ELL2: variants seen among roughly 807,000 people sequenced by gnomAD.
The protein encoded by ELL2 is RNA polymerase II elongation factor ELL2.
In ELL2, 21 loss-of-function variants were observed where a neutral mutation model predicts 72.8. That is an observed-to-expected ratio of 0.29 (90% confidence interval 0.20 to 0.42). The LOEUF (loss-of-function observed/expected upper bound fraction) is 0.42. Among genes scored for constraint, ELL2 ranks in the 10% least tolerant of loss-of-function variants. The pLI is 1.00. For missense variants in ELL2, 568 were observed against 772.8 expected (o/e 0.73, Z 3.14); for synonymous variants, 266 against 283.2 (o/e 0.94, Z 0.61).
Position 95,889,139 on chromosome 5 carries a change from T to G in ELL2, c.1762-9A>C. ...ACTTCTTCATGAACATTCTACAAAA[T>G]TAAATATTAGAAATCAGAAGAGAAC... On this transcript the variant is annotated splice_polypyrimidine_tract_variant and intron_variant, in intron 10 of 11. Coordinates refer to ENST00000237853, the MANE Select transcript of ELL2 (RefSeq NM_012081.6). 1 of 1,597,970 alleles carries G rather than the reference T, an allele frequency of 6.3e-7. No individual in the cohort carries two copies. The highest frequency in any genetic ancestry group is 8.6e-7 in the Non-Finnish European group (1 of 1,168,866).
intron 4 of ELL2, among the ~76,000 whole-genome samples, chr5:95,908,496 C>T (rs1472011586): frequency 6.6e-6 from 1 of 152,166 alleles, no homozygotes; most frequent in Non-Finnish European, 1.5e-5. Flanking sequence ...GAGGGCAGGG[C>T]AGTGGCTGCT....
chr5:95,896,921 A>C (rs1049943800), intron 8 of ELL2, among the ~76,000 whole-genome samples: 2 of 152,198 alleles, frequency 1.3e-5, no homozygotes, highest in African/African-American at 4.8e-5. Flanking sequence ...GAGGGTGGAA[A>C]GTGTGGAGAG....
At chr5:95,939,079 TG>T (rs1206558669) in intron 2 of ELL2, among the ~76,000 whole-genome samples, 1 of 152,200 alleles carries the variant, frequency 6.6e-6, no homozygotes, top group Non-Finnish European at 1.5e-5. Context: ...CCTTTGTGTG[TG>T]TGCACATGCA....
rs1359659673 is a variant in ELL2, at chr5:95,909,637, A to G, written c.482-2855T>C. ...GAAAAAAGCCATTTTAATAAAACCT[A>G]TGGGAGAACCTAATTCTCTTCCCAG... is the stretch of plus-strand genomic sequence containing the variant. On this transcript the variant is annotated intron_variant, in intron 4 of 11. Transcript: ENST00000237853. 4.6e-5 allele frequency among the ~76,000 whole-genome samples: 7 copies of G among 152,226 alleles called. 1 individual carries two copies. Among genetic ancestry groups the G allele is most frequent in the Non-Finnish European group, 1.5e-5 (1 of 68,030 alleles).
chr5:95,900,594 G>C lies in ELL2; in HGVS notation c.954+99C>G, dbSNP rs41276261. Reference sequence around the variant, plus strand: ...TGGCTTTGGGCAGGCAAGCTGTCCAGCTTCTCCGGGTCTCATTTCCTTCAC... The same window carrying C: ...TGGCTTTGGGCAGGCAAGCTGTCCACCTTCTCCGGGTCTCATTTCCTTCAC... On this transcript the variant is annotated intron_variant, in intron 7 of 11. Transcript: ENST00000237853. 0.024 allele frequency: 21,576 copies of C among 895,654 alleles called. 699 individuals are homozygous for C. Among genetic ancestry groups the C allele is most frequent in the African/African-American group, 0.095 (5,532 of 58,070 alleles). 55.5% of individuals were successfully genotyped at this position (895,654 alleles called of 1,614,324 possible).
chr5:95,934,883 G>A (rs896630781), intron 2 of ELL2, among the ~76,000 whole-genome samples: 3 of 152,112 alleles, frequency 2.0e-5, no homozygotes, highest in African/African-American at 7.2e-5. Context: ...ATTGAAACAT[G>A]TTCTGGTTTT....
Position 95,898,466 on chromosome 5 carries a change from A to C in ELL2, c.1299T>G (p.Thr433=). The C allele has an allele frequency of 6.2e-7, 1 of 1,613,920 alleles. No individual in the cohort carries two copies. Among genetic ancestry groups the C allele is most frequent in the Non-Finnish European group, 8.5e-7 (1 of 1,179,954 alleles). Residue 433 remains threonine (T), a synonymous_variant, in exon 8 of 12, where the codon ACT becomes ACG. Coordinates refer to ENST00000237853, the MANE Select transcript of ELL2 (RefSeq NM_012081.6). ...AACCAGGGGGTAAGGTTTCCAGAGA[A>C]GTCCTAGAGGTATATTTGTCTTGCT... ...EDQQDKYTSR[T]SLETLPPGSV... is the part of the protein sequence containing the mutation.
At chr5:95,939,344 G>T (rs747456577) in intron 2 of ELL2, among the ~76,000 whole-genome samples, 2 of 142,554 alleles carry the variant, frequency 1.4e-5, no homozygotes, top group African/African-American at 2.8e-5. Context: ...TTCTCTGAGG[G>T]TGGAGCCCAT....
At chr5:95,916,281 G>GGGAGACA (rs1438405949) in intron 3 of ELL2, among the ~76,000 whole-genome samples, 3 of 152,106 alleles carry the variant, frequency 2.0e-5, no homozygotes, top group Non-Finnish European at 4.4e-5. Context: ...AGGACAGGTT[G>GGGAGACA]GGAGACAGGA....
chr5:95,895,574 T>C (rs1330201224), intron 9 of ELL2, 54 bp downstream of exon 9: 18 of 1,530,724 alleles, frequency 1.2e-5, no homozygotes, highest in Non-Finnish European at 1.5e-5. Flanking sequence ...GAAAAGAATT[T>C]GCAAACTTTC....
chr5:95,947,025 T>G (rs992329115), intron 1 of ELL2, among the ~76,000 whole-genome samples: 16 of 152,232 alleles, frequency 1.1e-4, no homozygotes, highest in African/African-American at 3.6e-4. Context: ...GCCACCATTT[T>G]GCTAACTTGG....
At chr5:95,895,721 T>C (rs765542519) in intron 8 of ELL2, 30 bp from the exon 9 acceptor site, 1 of 1,561,248 alleles carries the variant, frequency 6.4e-7, no homozygotes, top group Non-Finnish European at 8.8e-7. Context: ...AATCAGAGCA[T>C]TCATCAACTA....
At chr5:95,911,860 G>T (rs750154062) in intron 4 of ELL2, among the ~76,000 whole-genome samples, 21 of 152,226 alleles carry the variant, frequency 1.4e-4, no homozygotes, top group Non-Finnish European at 1.6e-4. Flanking sequence ...CTGTGACGGT[G>T]AGTGGCTAGG....
In ELL2 at chr5:95,927,390, TATATAGACATACACACAC is replaced by T. The variant is rs1315135039; in HGVS notation, c.196-7863_196-7846del. ...AGACATACACACACACACGTGTGTA[TATATAGACATACACACAC>T]GTGTGTATATAGACATACACACACA... On this transcript the variant is annotated intron_variant, in intron 2 of 11. Coordinates refer to ENST00000237853, the MANE Select transcript of ELL2 (RefSeq NM_012081.6). Among the ~76,000 whole-genome samples, 121 of 38,658 alleles carry T rather than the reference TATATAGACATACACACAC, an allele frequency of 3.1e-3. 13 individuals are homozygous for T. Among genetic ancestry groups the T allele is most frequent in the Non-Finnish European group, 3.3e-3 (74 of 22,418 alleles). The allele number at this position is 38,658 out of a possible 152,430, so 25.4% of individuals were successfully genotyped here.
At chr5:95,949,894 G>A (rs1423835828) in intron 1 of ELL2, among the ~76,000 whole-genome samples, 1 of 152,124 alleles carries the variant, frequency 6.6e-6, no homozygotes, top group African/African-American at 2.4e-5. Context: ...CCACCTCTGG[G>A]AATTCTCAGA....
At position 95,922,686 on chromosome 5, in the gene ELL2, G is replaced by A. The variant is rs77331218; in HGVS notation, c.196-3141C>T. Among the ~76,000 whole-genome samples, 1,033 of 152,094 alleles carry A rather than the reference G, an allele frequency of 6.8e-3. 11 individuals carry two copies. Among genetic ancestry groups the A allele is most frequent in the South Asian group, 0.057 (274 of 4,816 alleles). On this transcript the variant is annotated intron_variant, in intron 2 of 11. Coordinates refer to ENST00000237853, the MANE Select transcript of ELL2 (RefSeq NM_012081.6). ...TTTTTCTCTTAAAGCATTATAGTTTGGCCTGATGGTGGACACAGAAGACTT... is the reference window on the plus strand; with the variant it reads ...TTTTTCTCTTAAAGCATTATAGTTTAGCCTGATGGTGGACACAGAAGACTT...
chr5:95,909,689 C>G (rs1749507518), intron 4 of ELL2, among the ~76,000 whole-genome samples: 1 of 152,198 alleles, frequency 6.6e-6, no homozygotes, highest in African/African-American at 2.4e-5. Context: ...ACTCCCTGGG[C>G]TCTTTATATA....
At chr5:95,946,009 C>T (rs981567008) in intron 1 of ELL2, among the ~76,000 whole-genome samples, 2 of 152,192 alleles carry the variant, frequency 1.3e-5, no homozygotes, top group Admixed American at 6.5e-5. Flanking sequence ...TCCCTAACCC[C>T]TCACTGATGG....
At chr5:95,929,990 G>A (rs1750539901) in intron 2 of ELL2, among the ~76,000 whole-genome samples, 1 of 151,876 alleles carries the variant, frequency 6.6e-6, no homozygotes, top group Non-Finnish European at 1.5e-5. Context: ...TAAAACACTC[G>A]CCGAATACTC....
Sources: gnomAD v4.1 joint callset for allele counts (sites outside exome capture counted in the v4.1 genomes callset) on GRCh38, gnomAD v4.1.1 for gene constraint, MANE v1.5 for transcripts, NCBI Gene and HGNC (gene_info 2026-07-23, HGNC 2026-07-21) for gene names.